Variants in HTR4 observed in about 807,000 individuals in gnomAD.
HTR4 encodes the protein 5-hydroxytryptamine (serotonin) receptor 4, G protein-coupled.
In HTR4, 16 loss-of-function variants were observed where a neutral mutation model predicts 36.8. That is an observed-to-expected ratio of 0.43 (90% CI 0.29 to 0.66). The LOEUF (loss-of-function observed/expected upper bound fraction) is 0.66. HTR4 is among the 30% of genes least tolerant of loss of function. The pLI, the probability that HTR4 is intolerant of heterozygous loss-of-function variation, is 0.13. For missense variants in HTR4, 438 were observed against 490.9 expected, an observed-to-expected ratio of 0.89 and a Z score of 1.02; for synonymous variants, 189 against 185.1, an observed-to-expected ratio of 1.02 and a Z score of -0.17.
chr5:148,630,410 T>C (rs759983814), intron 2 of HTR4: 2 of 152,138 alleles, frequency 1.3e-5, no homozygotes, highest in Non-Finnish European at 2.9e-5. Flanking sequence ...CCATGGAAGC[T>C]GCAGAGAAAA....
chr5:148,608,327 G>T (rs1429143123), intron 2 of HTR4, among the ~76,000 whole-genome samples: 1 of 152,154 alleles, frequency 6.6e-6, no homozygotes, highest in Admixed American at 6.5e-5. Context: ...ATTATAATGA[G>T]AAGAGTATAT....
rs997601919 is a variant in HTR4, at chr5:148,654,156, C to A, written c.-142G>T. On this transcript the variant is annotated 5_prime_UTR_variant, in exon 1 of 7. Coordinates refer to ENST00000377888, the MANE Select transcript of HTR4 (RefSeq NM_000870.7). ...GCTTCTGCTGCCGCCGCTGCCGCTG[C>A]GCTCCCAGCCGCTGCCTGCGCCCTC... 3 of 985,712 alleles carry A rather than the reference C, an allele frequency of 3.0e-6. No homozygotes were observed. The highest frequency in any genetic ancestry group is 4.7e-5 in the South Asian group (1 of 21,478). 61.1% of individuals were successfully genotyped at this position (985,712 alleles called of 1,614,324 possible).
At chr5:148,481,363 G>C (rs1402087807), downstream of HTR4, 2 of 583,304 alleles carry the variant, frequency 3.4e-6, no homozygotes, top group African/African-American at 3.8e-5. Context: ...ATGGTTCCCT[G>C]GTTCAATCTG....
intron 1 of HTR4, chr5:148,645,795 C>T (rs1753863980): frequency 1.3e-5 from 2 of 152,160 alleles, no homozygotes; most frequent in African/African-American, 4.8e-5. Context: ...TAGATATTTC[C>T]TACTCTGCTT....
In HTR4 at chr5:148,482,195, G is replaced by C; in HGVS notation, c.*1008C>G. ...GGATCCTGCCCTCCTGCACCTTGGG[G>C]GAGCTGCAGGGGAAAATGAGTTTCC... On this transcript the variant is annotated 3_prime_UTR_variant, in exon 7 of 7. Coordinates refer to ENST00000377888, the MANE Select transcript of HTR4 (RefSeq NM_000870.7). 1.0e-6 allele frequency: 1 copy of C among 985,542 alleles called. No homozygotes were observed. Among genetic ancestry groups the C allele is most frequent in the Non-Finnish European group, 1.2e-6 (1 of 830,038 alleles). 61.0% of individuals were successfully genotyped at this position (985,542 alleles called of 1,614,324 possible).
chr5:148,570,006 TG>T (rs1760610653), intron 2 of HTR4, among the ~76,000 whole-genome samples: 2 of 152,148 alleles, frequency 1.3e-5, no homozygotes, highest in South Asian at 4.1e-4. Flanking sequence ...TTTTGCACTC[TG>T]GCCAACACCT....
At chr5:148,651,110 C>A (rs1439495364) in intron 1 of HTR4, among the ~76,000 whole-genome samples, 1 of 152,174 alleles carries the variant, frequency 6.6e-6, no homozygotes, top group Non-Finnish European at 1.5e-5. Flanking sequence ...GTATCTCTTT[C>A]ATAGGATTCT....
intron 1 of HTR4, among the ~76,000 whole-genome samples, chr5:148,639,160 T>C (rs1199390684): frequency 6.6e-6 from 1 of 152,172 alleles, no homozygotes; most frequent in Non-Finnish European, 1.5e-5. Context: ...AATTTCTTTC[T>C]CTGAATTACT....
chr5:148,525,826 T>C (rs1229265993), intron 4 of HTR4, among the ~76,000 whole-genome samples: 1 of 152,232 alleles, frequency 6.6e-6, no homozygotes, highest in Non-Finnish European at 1.5e-5. Context: ...AATGTGACCT[T>C]ATTTAGACAT....
intron 2 of HTR4, among the ~76,000 whole-genome samples, chr5:148,555,604 C>T (rs1254470149): frequency 1.3e-5 from 2 of 152,190 alleles, no homozygotes; most frequent in African/African-American, 4.8e-5. Context: ...TCAAGCAATC[C>T]TGTCAACCAC....
chr5:148,512,836 C>T (rs1757560175), intron 5 of HTR4, among the ~76,000 whole-genome samples: 1 of 152,064 alleles, frequency 6.6e-6, no homozygotes, highest in Non-Finnish European at 1.5e-5. Flanking sequence ...GTGGCTGAGG[C>T]ACTAGAATCG....
rs1262281961 is a variant in HTR4 at position 148,523,122 on chromosome 5, A to G, written c.507+71T>C. 3 of 1,335,168 alleles carry G rather than the reference A, an allele frequency of 2.2e-6. No individual in the cohort carries two copies. The African/African-American group carries it at 4.5e-5, about 20-fold the overall frequency. The allele number at this position is 1,335,168 out of a possible 1,614,324, so 82.7% of individuals were successfully genotyped here. On this transcript the variant is annotated intron_variant, in intron 5 of 6. Transcript: ENST00000377888. ...TTCTTAGAATACTCAATCTAATATT[A>G]TTTATTCATTTAGGAACCCCATGCA...
chr5:148,504,975 C>T (rs527454638), intron 6 of HTR4, among the ~76,000 whole-genome samples: 1 of 152,280 alleles, frequency 6.6e-6, no homozygotes, highest in Non-Finnish European at 1.5e-5. Flanking sequence ...AGACCAATAA[C>T]AGGTTCTGAA....
chr5:148,643,545 T>A (rs915060485), intron 1 of HTR4, among the ~76,000 whole-genome samples: 3 of 152,326 alleles, frequency 2.0e-5, no homozygotes, highest in Admixed American at 6.5e-5. Context: ...GATTCAGTCA[T>A]TAATTTATGT....
chr5:148,551,698 T>C (rs911219938), intron 2 of HTR4, among the ~76,000 whole-genome samples: 1 of 152,200 alleles, frequency 6.6e-6, no homozygotes, highest in Non-Finnish European at 1.5e-5. Flanking sequence ...GAAGAAGAAT[T>C]GTCGTGGGTC....
intron 2 of HTR4, among the ~76,000 whole-genome samples, chr5:148,603,044 C>T (rs770844930): frequency 1.3e-5 from 2 of 151,924 alleles, no homozygotes; most frequent in Non-Finnish European, 2.9e-5. Context: ...CACCAACTTA[C>T]ACAAAAACTT....
At chr5:148,632,859 C>T (rs1753372787) in intron 2 of HTR4, among the ~76,000 whole-genome samples, 1 of 152,144 alleles carries the variant, frequency 6.6e-6, no homozygotes, top group Non-Finnish European at 1.5e-5. Context: ...ATAGCTGTTT[C>T]TGAAGTCAGG....
intron 2 of HTR4, among the ~76,000 whole-genome samples, chr5:148,619,367 A>G (rs1003073105): frequency 1.3e-5 from 2 of 152,228 alleles, no homozygotes; most frequent in African/African-American, 4.8e-5. Flanking sequence ...CTGTTCAAAG[A>G]AAATTAAGAT....
At chr5:148,621,164 T>A (rs1158803014) in intron 2 of HTR4, among the ~76,000 whole-genome samples, 1 of 152,200 alleles carries the variant, frequency 6.6e-6, no homozygotes, top group East Asian at 1.9e-4. Flanking sequence ...TTCTTTGAAA[T>A]TCAAGAATAT....
Sources: gnomAD v4.1 joint callset for allele counts (sites outside exome capture counted in the v4.1 genomes callset) on GRCh38, gnomAD v4.1.1 for gene constraint, MANE v1.5 for transcripts, NCBI Gene and HGNC (gene_info 2026-07-23, HGNC 2026-07-21) for gene names.